The following DNAH8 variants were observed in gnomAD, a reference collection of about 807,000 sequenced individuals.
DNAH8 encodes the protein dynein axonemal heavy chain 8.
Under a neutral mutation model 562.1 loss-of-function variants are expected in DNAH8, and 382 were observed. That is an observed-to-expected ratio of 0.68 (90% CI 0.63 to 0.74). DNAH8 has a LOEUF of 0.74. DNAH8 is among the 30% of genes least tolerant of loss of function. The pLI, the probability that DNAH8 is intolerant of heterozygous loss-of-function variation, is 0.00. For missense variants in DNAH8, 5,203 were observed against 5,620.4 expected, an observed-to-expected ratio of 0.93 and a Z score of 2.37; for synonymous variants, 1,881 against 1,919.4, an observed-to-expected ratio of 0.98 and a Z score of 0.52.
At chr6:39,020,263 A>G (rs1043615809) in intron 91 of DNAH8, among the ~76,000 whole-genome samples, 2 of 152,268 alleles carry the variant, frequency 1.3e-5, no homozygotes, top group East Asian at 1.9e-4. Context: ...GTCAGCTTGT[A>G]CTAGTGACAG....
intron 73 of DNAH8, among the ~76,000 whole-genome samples, chr6:38,925,696 G>A (rs1255250294): frequency 6.6e-6 from 1 of 152,036 alleles, no homozygotes; most frequent in African/African-American, 2.4e-5. Context: ...TAATTGCCTG[G>A]GACTTACCTT....
intron 82 of DNAH8, among the ~76,000 whole-genome samples, chr6:38,969,780 T>G (rs977123397): frequency 6.6e-6 from 1 of 151,848 alleles, no homozygotes; most frequent in African/African-American, 2.4e-5. Flanking sequence ...AGTCTGTAAA[T>G]AAGAACTTTG....
intron 10 of DNAH8, among the ~76,000 whole-genome samples, chr6:38,757,548 G>A (rs1057389029): frequency 6.6e-6 from 1 of 152,120 alleles, no homozygotes; most frequent in Non-Finnish European, 1.5e-5. Context: ...TGTCAATTTT[G>A]GCTTCTGTTG....
At chr6:38,995,072 T>TTTTTC (rs56214435) in intron 88 of DNAH8, among the ~76,000 whole-genome samples, 2 of 151,624 alleles carry the variant, frequency 1.3e-5, no homozygotes, top group African/African-American at 2.4e-5. Context: ...TTTTTTTTTT[T>TTTTTC]CTGAGCTTGT....
chr6:38,963,049 C>G (rs1331555111), intron 82 of DNAH8, among the ~76,000 whole-genome samples: 1 of 151,946 alleles, frequency 6.6e-6, no homozygotes, highest in East Asian at 1.9e-4. Flanking sequence ...GATGGGTACA[C>G]CAAAATCTCA....
chr6:39,008,103 C>T (rs1765912716), intron 88 of DNAH8, among the ~76,000 whole-genome samples: 1 of 151,758 alleles, frequency 6.6e-6, no homozygotes, highest in Non-Finnish European at 1.5e-5. Flanking sequence ...CTGAAAGCAT[C>T]CTGTTCTTTC....
At position 38,910,108 on chromosome 6, in the gene DNAH8, A is replaced by G. The variant is rs538555861; in HGVS notation, c.9740+364A>G. 2.6e-5 allele frequency among the ~76,000 whole-genome samples: 4 copies of G among 152,380 alleles called. No homozygotes were observed. In the South Asian group the frequency reaches 8.3e-4, roughly 32 times the overall value. Reference sequence around the variant, plus strand: ...ATGTATTATTTATTTTGATTAAAGTACACTGCTTCTAATGTTTCTTTATTG... The same window carrying G: ...ATGTATTATTTATTTTGATTAAAGTGCACTGCTTCTAATGTTTCTTTATTG... On this transcript the variant is annotated intron_variant, in intron 65 of 92. Coordinates refer to ENST00000327475, the MANE Select transcript of DNAH8 (RefSeq NM_001206927.2).
intron 68 of DNAH8, among the ~76,000 whole-genome samples, chr6:38,915,610 T>C (rs753454672): frequency 2.2e-4 from 33 of 152,316 alleles, no homozygotes; most frequent in Admixed American, 1.4e-3. Context: ...AACTGAGAAA[T>C]AATGCTAGTG....
chr6:39,020,765 G>A (rs910347103), intron 91 of DNAH8, among the ~76,000 whole-genome samples: 3 of 152,172 alleles, frequency 2.0e-5, no homozygotes, highest in Non-Finnish European at 2.9e-5. Flanking sequence ...GAGAACACGC[G>A]GTGTTTGGTT....
chr6:38,935,705 G>A lies in DNAH8; in HGVS notation c.11563+8G>A. On this transcript the variant is annotated splice_region_variant and intron_variant, in intron 77 of 92. Transcript: ENST00000327475. ...AATTAAGTGCTACAAAAGGTATTGT[G>A]TTATTAAGAAGTAATGAAATAACGG... The A allele has an allele frequency of 6.4e-7, 1 of 1,574,136 alleles. No individual in the cohort carries two copies. Among genetic ancestry groups the A allele is most frequent in the Non-Finnish European group, 8.7e-7 (1 of 1,149,706 alleles).
chr6:39,020,620 C>G (rs1355413569), intron 91 of DNAH8, among the ~76,000 whole-genome samples: 2 of 152,172 alleles, frequency 1.3e-5, no homozygotes, highest in Admixed American at 1.3e-4. Flanking sequence ...CACCTATCAT[C>G]TAGGTTTTAA....
At chr6:39,028,502 G>A (rs76091808) in intron 92 of DNAH8, among the ~76,000 whole-genome samples, 1 of 152,238 alleles carries the variant, frequency 6.6e-6, no homozygotes, top group African/African-American at 2.4e-5. Context: ...ATATATCTCT[G>A]TGTCCTCTCC....
rs755171230 is a variant in DNAH8 at position 38,734,447 on chromosome 6, C to T, written c.611-27C>T. 5.9e-5 allele frequency: 94 copies of T among 1,595,958 alleles called. 1 individual carries two copies. The highest frequency in any genetic ancestry group is 3.4e-4 in the African/African-American group (25 of 73,582). The stretch of plus-strand genomic sequence containing the variant: ...TCATTTGATTAGTTGTGTGATTATA[C>T]GCTAAGTTCTTGACTTTTGTTTTCA... On this transcript the variant is annotated intron_variant, in intron 4 of 92. Coordinates refer to ENST00000327475, the MANE Select transcript of DNAH8 (RefSeq NM_001206927.2).
intron 53 of DNAH8, among the ~76,000 whole-genome samples, chr6:38,880,133 G>A (rs1211507910): frequency 6.6e-6 from 1 of 152,134 alleles, no homozygotes; most frequent in Non-Finnish European, 1.5e-5. Context: ...CGTAAGCACA[G>A]CTACTCAGGA....
In DNAH8 at chr6:38,807,660, T is replaced by C; in HGVS notation, c.3201T>C (p.Leu1067=). ...AFFSHQLLDS[L]QKATRLSLDT... is the part of the protein sequence containing the mutation. ...TCTCTCATCAATTACTAGACAGTCT[T>C]CAAAAAGCTACACGGTTATCTCTGG... The change falls in exon 24 of 93, where the codon CTT becomes CTC. Residue 1067 remains leucine (L), a synonymous_variant. Transcript: ENST00000327475. The C allele has an allele frequency of 6.4e-7, 1 of 1,567,610 alleles. No individual in the cohort carries two copies. Among genetic ancestry groups the C allele is most frequent in the Non-Finnish European group, 8.6e-7 (1 of 1,160,688 alleles).
chr6:38,933,847 C>T (rs1241341134), intron 76 of DNAH8, among the ~76,000 whole-genome samples: 1 of 152,144 alleles, frequency 6.6e-6, no homozygotes, highest in Non-Finnish European at 1.5e-5. Context: ...ATTTCTGGGT[C>T]CTTGGCTTTT....
intron 24 of DNAH8, among the ~76,000 whole-genome samples, chr6:38,813,643 T>C (rs1368005705): frequency 6.6e-6 from 1 of 152,162 alleles, no homozygotes; most frequent in Non-Finnish European, 1.5e-5. Flanking sequence ...TGATATTGTT[T>C]AACAACGCGG....
chr6:38,786,503 T>A (rs866374953), intron 17 of DNAH8, among the ~76,000 whole-genome samples: 23 of 152,220 alleles, frequency 1.5e-4, no homozygotes, highest in African/African-American at 4.6e-4. Flanking sequence ...AATATTGCAA[T>A]TCATAGCACA....
At position 38,872,200 on chromosome 6, in the gene DNAH8, G is replaced by A. The variant is rs572669204; in HGVS notation, c.6991-336G>A. On this transcript the variant is annotated intron_variant, in intron 49 of 92. Transcript: ENST00000327475. ...GGGCGATATCATCACATTGGATGCC[G>A]AGAAAGTTTGCGCATGGAACAACTG... Among the ~76,000 whole-genome samples the A allele has an allele frequency of 3.3e-5, 5 of 152,270 alleles. No homozygotes were observed. The South Asian group carries it at 1.0e-3, about 32-fold the overall frequency.
Sources: gnomAD v4.1 joint callset for allele counts (sites outside exome capture counted in the v4.1 genomes callset) on GRCh38, gnomAD v4.1.1 for gene constraint, MANE v1.5 for transcripts, NCBI Gene and HGNC (gene_info 2026-07-23, HGNC 2026-07-21) for gene names.